The following THSD4 variants were observed in gnomAD, a reference collection of about 807,000 sequenced individuals.
The protein encoded by THSD4 is thrombospondin type-1 domain-containing protein 4.
THSD4 carries 69 observed loss-of-function variants against 119.0 expected under a neutral mutation model. The ratio of observed to expected loss-of-function variants is 0.58; its 90% CI spans 0.48 to 0.71. The LOEUF (loss-of-function observed/expected upper bound fraction) is 0.71. Among genes scored for constraint, THSD4 ranks in the 30% least tolerant of loss-of-function variants. The pLI is 0.00. For synonymous variants in THSD4, 524 were observed against 540.4 expected (o/e 0.97, Z 0.42); for missense variants, 1,393 against 1,391.1 (o/e 1.00, Z -0.02).
intron 3 of THSD4, among the ~76,000 whole-genome samples, chr15:71,174,599 A>G (rs1394039030): frequency 5.4e-5 from 2 of 36,720 alleles, no homozygotes; most frequent in Admixed American, 7.9e-4. Flanking sequence ...TTAGGTAAAC[A>G]AAGCAGCCCG....
At chr15:71,367,895 C>G (rs997077396) in intron 6 of THSD4, among the ~76,000 whole-genome samples, 36 of 152,214 alleles carry the variant, frequency 2.4e-4, no homozygotes, top group African/African-American at 8.2e-4. Flanking sequence ...TTTACAGTCC[C>G]ACCAACAGTG....
intron 6 of THSD4, among the ~76,000 whole-genome samples, chr15:71,311,010 C>T (rs1357909850): frequency 1.3e-5 from 2 of 152,136 alleles, no homozygotes. Context: ...AGCAGAGACC[C>T]AAAATAAAGT....
At chr15:71,706,713 G>A (rs1200827384) in intron 8 of THSD4, among the ~76,000 whole-genome samples, 1 of 152,112 alleles carries the variant, frequency 6.6e-6, no homozygotes, top group Non-Finnish European at 1.5e-5. Flanking sequence ...TAGCAAAAAG[G>A]GTTAACATGC....
intron 7 of THSD4, among the ~76,000 whole-genome samples, chr15:71,533,165 G>T (rs2048641222): frequency 6.6e-6 from 1 of 152,170 alleles, no homozygotes; most frequent in Non-Finnish European, 1.5e-5. Context: ...CAAATCCCCG[G>T]TAATCTGAGC....
intron 17 of THSD4, among the ~76,000 whole-genome samples, chr15:71,773,272 C>T (rs1220807967): frequency 1.3e-5 from 2 of 150,960 alleles, no homozygotes; most frequent in East Asian, 3.9e-4. Context: ...CTGTTTGTCT[C>T]AGGCCAGATA....
intron 6 of THSD4, among the ~76,000 whole-genome samples, chr15:71,286,198 G>A (rs1223685035): frequency 6.6e-6 from 1 of 152,184 alleles, no homozygotes; most frequent in Non-Finnish European, 1.5e-5. Flanking sequence ...GGATGTGTAG[G>A]TTTGTTACAT....
At chr15:71,674,591 G>A (rs947847376) in intron 8 of THSD4, among the ~76,000 whole-genome samples, 1 of 152,140 alleles carries the variant, frequency 6.6e-6, no homozygotes, top group African/African-American at 2.4e-5. Flanking sequence ...GGCACAGCCT[G>A]ACAGCCTGGA....
At chr15:71,748,377 G>A in intron 13 of THSD4, 44 bp from the exon 14 acceptor site, 2 of 1,608,518 alleles carry the variant, frequency 1.2e-6, no homozygotes, top group Non-Finnish European at 8.5e-7. Flanking sequence ...CTCTCCCAGA[G>A]CTGAAGCTGC....
At chr15:71,436,943 A>G (rs375740215) in intron 7 of THSD4, among the ~76,000 whole-genome samples, 225 of 152,252 alleles carry the variant, frequency 1.5e-3, no homozygotes, top group Non-Finnish European at 2.3e-3. Flanking sequence ...GAAATACTGA[A>G]TGGGACTGTG....
chr15:71,758,182 G>GCAGTGC, intron 15 of THSD4, 107 bp downstream of exon 15: 1 of 1,317,882 alleles, frequency 7.6e-7, no homozygotes, highest in Non-Finnish European at 1.0e-6. Flanking sequence ...TTGAATCCCA[G>GCAGTGC]CAGTGCCACT....
intron 7 of THSD4, among the ~76,000 whole-genome samples, chr15:71,514,529 C>T (rs2048328235): frequency 6.6e-6 from 1 of 152,176 alleles, no homozygotes; most frequent in African/African-American, 2.4e-5. Flanking sequence ...TTTTGATCAA[C>T]ATAATGTTTC....
chr15:71,185,045 T>C (rs542993688), intron 3 of THSD4, among the ~76,000 whole-genome samples: 2 of 151,854 alleles, frequency 1.3e-5, no homozygotes, highest in African/African-American at 4.8e-5. Flanking sequence ...TTAAATTGCA[T>C]CAAAACCTTT....
At chr15:71,238,708 G>A (rs1013075715) in intron 4 of THSD4, among the ~76,000 whole-genome samples, 7 of 152,162 alleles carry the variant, frequency 4.6e-5, no homozygotes, top group African/African-American at 1.7e-4. Flanking sequence ...AGGCATTTGG[G>A]TTGTTTCTGC....
intron 7 of THSD4, among the ~76,000 whole-genome samples, chr15:71,442,660 G>GTGTGTGTGTATA: frequency 2.7e-4 from 7 of 25,826 alleles, no homozygotes; most frequent in African/African-American, 7.6e-4. Flanking sequence ...GTGTGTGTGT[G>GTGTGTGTGTATA]TATATATATA....
At chr15:71,475,006 C>T (rs948566787) in intron 7 of THSD4, among the ~76,000 whole-genome samples, 1 of 152,194 alleles carries the variant, frequency 6.6e-6, no homozygotes, top group African/African-American at 2.4e-5. Flanking sequence ...CACCCCAGAC[C>T]GACTACTGAT....
At chr15:71,230,314 G>A (rs1330536890) in intron 4 of THSD4, among the ~76,000 whole-genome samples, 1 of 152,170 alleles carries the variant, frequency 6.6e-6, no homozygotes, top group Non-Finnish European at 1.5e-5. Flanking sequence ...AGTTACTCTG[G>A]AGAAATGAAT....
At chr15:71,617,952 A>G (rs983476117) in intron 7 of THSD4, among the ~76,000 whole-genome samples, 1 of 152,148 alleles carries the variant, frequency 6.6e-6, no homozygotes, top group Non-Finnish European at 1.5e-5. Context: ...CCATTTACCA[A>G]TTCCCCCCTG....
chr15:71,266,160 C>G (rs1209502986), intron 6 of THSD4, among the ~76,000 whole-genome samples: 1 of 152,230 alleles, frequency 6.6e-6, no homozygotes, highest in East Asian at 1.9e-4. Flanking sequence ...TGCCTTCTGA[C>G]TGGGAGACAC....
intron 4 of THSD4, among the ~76,000 whole-genome samples, chr15:71,240,737 T>C (rs2044144732): frequency 6.6e-6 from 1 of 152,112 alleles, no homozygotes; most frequent in South Asian, 2.1e-4. Flanking sequence ...TCATTCATTT[T>C]ACCTGGCCTG....
Sources: allele counts gnomAD v4.1 joint callset (sites outside exome capture counted in the v4.1 genomes callset), GRCh38; gene constraint gnomAD v4.1.1; transcripts MANE v1.5; gene names NCBI Gene and HGNC (gene_info 2026-07-23, HGNC 2026-07-21).